Variants in CBLB observed in about 807,000 individuals in gnomAD.
CBLB encodes the protein E3 ubiquitin-protein ligase CBL-B.
CBLB carries 31 observed loss-of-function variants against 104.9 expected under a neutral mutation model. The ratio of observed to expected loss-of-function variants is 0.30; its 90% CI spans 0.22 to 0.40. CBLB has a LOEUF of 0.40. CBLB is among the 10% of genes least tolerant of loss of function. The pLI, the probability that CBLB is intolerant of heterozygous loss-of-function variation, is 1.00. For missense variants in CBLB, 1,062 were observed against 1,214.6 expected (o/e 0.87, Z 1.87); for synonymous variants, 440 against 422.6 (o/e 1.04, Z -0.51).
At position 105,824,304 on chromosome 3, in the gene CBLB, C is replaced by T. The variant is rs191705458; in HGVS notation, c.419+29110G>A. ...AGTACAATTGTAGGCCTAAAGGGCTCTGTAACATGTACTATTGGTGGAGAC... is the reference window on the plus strand; with the variant it reads ...AGTACAATTGTAGGCCTAAAGGGCTTTGTAACATGTACTATTGGTGGAGAC... On this transcript the variant is annotated intron_variant, in intron 3 of 18. Coordinates refer to ENST00000394030, the MANE Select transcript of CBLB (RefSeq NM_170662.5). The T allele has an allele frequency of 4.6e-5, 7 of 152,280 alleles. No homozygotes were observed. In the East Asian group the frequency reaches 9.6e-4, roughly 21 times the overall value. 9.4% of individuals were successfully genotyped at this position (152,280 alleles called of 1,614,324 possible).
intron 8 of CBLB, among the ~76,000 whole-genome samples, chr3:105,734,937 C>T (rs1297459451): frequency 6.6e-6 from 1 of 151,432 alleles, no homozygotes; most frequent in South Asian, 2.1e-4. Flanking sequence ...AAAAGATCTT[C>T]GTGACAAAAA....
chr3:105,726,352 T>C (rs747609174), intron 9 of CBLB, among the ~76,000 whole-genome samples: 12 of 152,210 alleles, frequency 7.9e-5, no homozygotes, highest in Non-Finnish European at 1.2e-4. Flanking sequence ...TCTTTTAAAT[T>C]ATATCAAACA....
intron 9 of CBLB, among the ~76,000 whole-genome samples, chr3:105,720,677 C>T (rs975230602): frequency 5.9e-5 from 9 of 152,076 alleles, no homozygotes; most frequent in African/African-American, 1.7e-4. Context: ...GCAGTAGTAT[C>T]GGTGAGAAAA....
At chr3:105,721,911 A>G (rs2072893201) in intron 9 of CBLB, among the ~76,000 whole-genome samples, 1 of 152,210 alleles carries the variant, frequency 6.6e-6, no homozygotes, top group South Asian at 2.1e-4. Flanking sequence ...AAAGAGATCC[A>G]TATTAGGTGC....
chr3:105,687,429 C>T (rs1379355597), intron 13 of CBLB, among the ~76,000 whole-genome samples: 1 of 152,004 alleles, frequency 6.6e-6, no homozygotes, highest in Non-Finnish European at 1.5e-5. Flanking sequence ...TTTTGCTTTG[C>T]CACAAATCAG....
chr3:105,742,979 A>ATAG (rs1439211303), intron 6 of CBLB, among the ~76,000 whole-genome samples: 1 of 152,162 alleles, frequency 6.6e-6, no homozygotes, highest in Non-Finnish European at 1.5e-5. Flanking sequence ...TATATAAGAG[A>ATAG]TAGTAATACC....
At chr3:105,851,477 T>TG (rs2090947236) in intron 3 of CBLB, among the ~76,000 whole-genome samples, 3 of 152,200 alleles carry the variant, frequency 2.0e-5, no homozygotes, top group Admixed American at 2.0e-4. Flanking sequence ...TATGCATTTA[T>TG]GGAGCATAGA....
chr3:105,726,345 TTTAAA>T (rs1349408066), intron 9 of CBLB, among the ~76,000 whole-genome samples: 2 of 152,350 alleles, frequency 1.3e-5, no homozygotes, highest in East Asian at 3.9e-4. Context: ...ATATCTTTCT[TTTAAA>T]TTATATCAAA....
At chr3:105,678,635 A>C in intron 16 of CBLB, 64 bp from the exon 17 acceptor site, 2 of 1,492,536 alleles carry the variant, frequency 1.3e-6, no homozygotes, top group Non-Finnish European at 1.8e-6. Flanking sequence ...ACAGCATCTA[A>C]CAAAAGTAAT....
chr3:105,844,392 A>G (rs2153102797), intron 3 of CBLB, among the ~76,000 whole-genome samples: 1 of 152,376 alleles, frequency 6.6e-6, no homozygotes, highest in South Asian at 2.1e-4. Flanking sequence ...TTATAATCAC[A>G]TGATCAGATG....
chr3:105,670,626 CA>C (rs565234443), intron 17 of CBLB: 70 of 386,034 alleles, frequency 1.8e-4, no homozygotes, highest in Non-Finnish European at 2.7e-4. Context: ...AGATTGTTGA[CA>C]ATAAAAACAG....
intron 12 of CBLB, among the ~76,000 whole-genome samples, chr3:105,701,624 G>T (rs769575893): frequency 6.6e-6 from 1 of 152,042 alleles, no homozygotes; most frequent in Non-Finnish European, 1.5e-5. Context: ...TTAGCTAGGC[G>T]TGGTGGCAGG....
At chr3:105,763,999 C>A (rs1328464196) in intron 4 of CBLB, among the ~76,000 whole-genome samples, 4 of 152,128 alleles carry the variant, frequency 2.6e-5, no homozygotes, top group Non-Finnish European at 5.9e-5. Context: ...TGGAGTAGAA[C>A]CTAGAACTTA....
intron 9 of CBLB, among the ~76,000 whole-genome samples, chr3:105,731,120 T>C (rs1266270429): frequency 1.3e-5 from 2 of 152,114 alleles, no homozygotes; most frequent in South Asian, 2.1e-4. Flanking sequence ...CTACACCAAT[T>C]TGGAGAATGC....
rs149670230 is a variant in CBLB, at chr3:105,701,990, G to C, written c.1959+104C>G. 487 of 1,219,872 alleles carry C rather than the reference G, an allele frequency of 4.0e-4. 9 individuals carry two copies. In the East Asian group the frequency reaches 0.011, roughly 28 times the overall value. 75.6% of individuals were successfully genotyped at this position (1,219,872 alleles called of 1,614,324 possible). A position where few individuals can be genotyped will look rare whatever the true frequency, so the allele number is the denominator to read the frequency against. ...GGGATAATTAAAGACTTACAGGGAA[G>C]TGCCATGCTAGGCAAAAAAAAACAC... On this transcript the variant is annotated intron_variant, in intron 12 of 18. Transcript: ENST00000394030.
At position 105,678,443 on chromosome 3, in the gene CBLB, GAAA is replaced by G. The variant is rs1290506043; in HGVS notation, c.2554_2556del (p.Phe852del). The G allele has an allele frequency of 6.2e-7, 1 of 1,614,036 alleles. No homozygotes were observed. The highest frequency in any genetic ancestry group is 1.7e-5 in the Admixed American group (1 of 60,014). On this transcript the variant is annotated inframe_deletion, in exon 17 of 19. Coordinates refer to ENST00000394030, the MANE Select transcript of CBLB (RefSeq NM_170662.5). ...TTTTCCCTCCTACCTGAAGGAAGAAGAAAAAGATCCTGTCCTGAGGATGGCCGG... is the reference window on the plus strand; with the variant it reads ...TTTTCCCTCCTACCTGAAGGAAGAAGAAGATCCTGTCCTGAGGATGGCCGG...
chr3:105,721,342 G>A (rs1460981417), intron 9 of CBLB, among the ~76,000 whole-genome samples: 1 of 152,106 alleles, frequency 6.6e-6, no homozygotes, highest in Non-Finnish European at 1.5e-5. Flanking sequence ...AGTGATGTTT[G>A]GATCAAGGAT....
intron 17 of CBLB, chr3:105,671,092 A>G (rs1000226372): frequency 1.1e-5 from 2 of 186,928 alleles, no homozygotes; most frequent in African/African-American, 4.7e-5. Context: ...AACTAAAGGG[A>G]GAAAAAGAGA....
intron 3 of CBLB, among the ~76,000 whole-genome samples, chr3:105,785,692 A>C (rs13433776): frequency 0.17 from 26,084 of 152,142 alleles, 2,615 homozygotes; most frequent in Admixed American, 0.28. Context: ...AAATGAACCA[A>C]AGGAGGAAAA....
Sources: gnomAD v4.1 joint callset for allele counts (sites outside exome capture counted in the v4.1 genomes callset) on GRCh38, gnomAD v4.1.1 for gene constraint, MANE v1.5 for transcripts, NCBI Gene and HGNC (gene_info 2026-07-23, HGNC 2026-07-21) for gene names.